CD55: variants seen among roughly 807,000 people sequenced by gnomAD.
The protein encoded by CD55 is complement decay-accelerating factor.
In CD55, 41 loss-of-function variants were observed where a neutral mutation model predicts 45.8. The ratio of observed to expected loss-of-function variants is 0.90; its 90% CI spans 0.70 to 1.16. The LOEUF (loss-of-function observed/expected upper bound fraction) is 1.16. Among genes scored for constraint, CD55 ranks in the 50% most tolerant of loss-of-function variants. The probability of loss-of-function intolerance (pLI) is 0.00; values close to 1 mark genes in which losing one functional copy is unlikely to be tolerated. For missense variants in CD55, 416 were observed against 469.8 expected, an observed-to-expected ratio of 0.89 and a Z score of 1.06; for synonymous variants, 181 against 181.1, an observed-to-expected ratio of 1.00 and a Z score of 0.01.
rs1387527581 is a variant in CD55, at chr1:207,360,809, G to T, written c.*1199G>T. 1 of 152,090 alleles carries T rather than the reference G, an allele frequency of 6.6e-6. No homozygotes were observed. Among genetic ancestry groups the T allele is most frequent in the East Asian group, 1.9e-4 (1 of 5,202 alleles). The allele number at this position is 152,090 out of a possible 1,614,324, so 9.4% of individuals were successfully genotyped here. A position where few individuals can be genotyped will look rare whatever the true frequency, so the allele number is the denominator to read the frequency against. On this transcript the variant is annotated 3_prime_UTR_variant, in exon 10 of 10. Coordinates refer to ENST00000367064, the MANE Select transcript of CD55 (RefSeq NM_000574.5). ...TAGACTAGACTAAGATGTACTAGTT[G>T]TATAGAATATAACTAGATTTATTAT...
Position 207,359,689 on chromosome 1 carries a change from A to AAAAT in CD55, c.*84_*87dup, listed in dbSNP as rs1211308379. On this transcript the variant is annotated 3_prime_UTR_variant, in exon 10 of 10. Transcript: ENST00000367064. Reference sequence around the variant, plus strand: ...TCTTAGACTTATCTGCATATTGGATAAAATAAATGCAATTGTGCTCTTCAT... The same window carrying AAAAT: ...TCTTAGACTTATCTGCATATTGGATAAAATAAATAAATGCAATTGTGCTCTTCAT... 1 of 1,505,828 alleles carries AAAAT rather than the reference A, an allele frequency of 6.6e-7. No individual in the cohort carries two copies. The highest frequency in any genetic ancestry group is 1.4e-5 in the African/African-American group (1 of 69,006). 93.3% of individuals were successfully genotyped at this position (1,505,828 alleles called of 1,614,324 possible).
At chr1:207,353,052 T>TTTG (rs1655935566) in intron 9 of CD55, among the ~76,000 whole-genome samples, 1 of 140,866 alleles carries the variant, frequency 7.1e-6, no homozygotes, top group Non-Finnish European at 1.6e-5. Context: ...TTTTTTTTTT[T>TTTG]TTTTTTTTTT....
chr1:207,347,239 A>G (rs1002646231), intron 9 of CD55: 2 of 452,982 alleles, frequency 4.4e-6, no homozygotes, highest in Non-Finnish European at 8.9e-6. Flanking sequence ...GCATTCATGG[A>G]TACCAAAGGG....
At chr1:207,328,768 G>A (rs1654801908) in intron 5 of CD55, among the ~76,000 whole-genome samples, 1 of 152,112 alleles carries the variant, frequency 6.6e-6, no homozygotes, top group Non-Finnish European at 1.5e-5. Context: ...TCCTCAATCT[G>A]TTTTTCAAAC....
At position 207,324,696 on chromosome 1, in the gene CD55, A is replaced by G. The variant is rs763394114; in HGVS notation, c.424A>G (p.Lys142Glu). 6.2e-7 allele frequency: 1 copy of G among 1,613,708 alleles called. No individual in the cohort carries two copies. The highest frequency in any genetic ancestry group is 1.1e-5 in the South Asian group (1 of 90,952). ...GYRREPSLSP[K>E]LTCLQNLKWS... The stretch of plus-strand genomic sequence containing the variant: ...CAGAAGAGAACCTTCTCTATCACCA[A>G]AACTAACTTGCCTTCAGAATTTAAA... The change falls in exon 3 of 10, where the codon AAA becomes GAA. Residue 142 changes from lysine to glutamate, a missense_variant. Physicochemically the swap from Lys to Glu is moderately conservative, Grantham distance 56. Around this residue, in one of 3 missense-constraint regions of CD55, gnomAD observed 111 missense variants for 163.4 expected, o/e 0.68. Coordinates refer to ENST00000367064, the MANE Select transcript of CD55 (RefSeq NM_000574.5).
chr1:207,341,440 G>A (rs1316532270), intron 9 of CD55, among the ~76,000 whole-genome samples: 2 of 151,944 alleles, frequency 1.3e-5, no homozygotes, highest in Non-Finnish European at 2.9e-5. Flanking sequence ...TTTGATTTTT[G>A]TACATGGTGA....
intron 8 of CD55, among the ~76,000 whole-genome samples, chr1:207,338,947 C>T (rs577323531): frequency 2.8e-4 from 42 of 152,100 alleles, no homozygotes; most frequent in African/African-American, 1.0e-3. Context: ...ATGCCCCATC[C>T]GTAGTCATTG....
intron 9 of CD55, among the ~76,000 whole-genome samples, chr1:207,346,380 C>T (rs1187760956): frequency 1.3e-5 from 2 of 152,150 alleles, no homozygotes; most frequent in Non-Finnish European, 1.5e-5. Context: ...GCCAGATGGA[C>T]TTGTCCTCAG....
At chr1:207,349,575 T>A (rs146998906) in intron 9 of CD55, among the ~76,000 whole-genome samples, 342 of 152,348 alleles carry the variant, frequency 2.2e-3, no homozygotes, top group African/African-American at 7.6e-3. Flanking sequence ...TTGTTTTGTA[T>A]TTCTCTATAG....
chr1:207,340,488 C>T (rs1263692826), intron 9 of CD55: 2 of 683,634 alleles, frequency 2.9e-6, no homozygotes, highest in Admixed American at 4.2e-5. Context: ...ACTTCAGCCT[C>T]CCAAGTAGCT....
At chr1:207,337,993 T>G (rs751850165) in intron 8 of CD55, among the ~76,000 whole-genome samples, 1 of 152,216 alleles carries the variant, frequency 6.6e-6, no homozygotes, top group Non-Finnish European at 1.5e-5. Context: ...ATGACCGTAT[T>G]TTCAAAATGA....
At chr1:207,353,585 A>G (rs1209724086) in intron 9 of CD55, among the ~76,000 whole-genome samples, 1 of 152,186 alleles carries the variant, frequency 6.6e-6, no homozygotes, top group African/African-American at 2.4e-5. Context: ...GACAAACTTA[A>G]GTCCCATTAT....
At chr1:207,358,151 T>C (rs1656149398) in intron 9 of CD55, among the ~76,000 whole-genome samples, 1 of 152,206 alleles carries the variant, frequency 6.6e-6, no homozygotes, top group African/African-American at 2.4e-5. Flanking sequence ...TAAGAAAGAA[T>C]TTGTCTTTTT....
At chr1:207,330,078 C>A (rs552839820) in intron 5 of CD55, among the ~76,000 whole-genome samples, 20 of 152,136 alleles carry the variant, frequency 1.3e-4, no homozygotes, top group Non-Finnish European at 2.5e-4. Context: ...ATATCTTGTT[C>A]AGCTTTGCGC....
intron 9 of CD55, among the ~76,000 whole-genome samples, chr1:207,356,598 G>C (rs931132969): frequency 6.6e-6 from 1 of 152,000 alleles, no homozygotes; most frequent in Non-Finnish European, 1.5e-5. Context: ...TGCCAGTCCA[G>C]CTCAAAACAG....
intron 9 of CD55, among the ~76,000 whole-genome samples, chr1:207,342,729 G>A (rs1439033528): frequency 6.6e-6 from 1 of 152,054 alleles, no homozygotes; most frequent in Admixed American, 6.5e-5. Flanking sequence ...GTTAGGGAAA[G>A]TTTCCTCCTC....
At position 207,322,694 on chromosome 1, in the gene CD55, T is replaced by C. The variant is rs527859888; in HGVS notation, c.286+127T>C. The stretch of plus-strand genomic sequence containing the variant: ...TTACTAAACCCCAGGGTATACCCTG[T>C]TGGCACGTCACACTCCAGCTAATTG... On this transcript the variant is annotated intron_variant, in intron 2 of 9. Transcript: ENST00000367064. The C allele has an allele frequency of 2.0e-5, 15 of 747,364 alleles. No individual in the cohort carries two copies. The African/African-American group carries it at 2.5e-4, about 12-fold the overall frequency. The allele number at this position is 747,364 out of a possible 1,614,324, so 46.3% of individuals were successfully genotyped here.
chr1:207,331,515 A>G (rs1318496190), intron 6 of CD55, among the ~76,000 whole-genome samples: 2 of 152,196 alleles, frequency 1.3e-5, no homozygotes, highest in African/African-American at 4.8e-5. Flanking sequence ...TATGATGTGT[A>G]TATATAAAAT....
At chr1:207,327,437 T>A (rs1239112951) in intron 5 of CD55, among the ~76,000 whole-genome samples, 2 of 152,224 alleles carry the variant, frequency 1.3e-5, no homozygotes, top group Non-Finnish European at 2.9e-5. Context: ...TATTTGAGAA[T>A]CTTCTCAAAG....
Sources: gnomAD v4.1 joint callset for allele counts (sites outside exome capture counted in the v4.1 genomes callset) on GRCh38, gnomAD v4.1.1 for gene constraint, gnomAD v4.1.1 regional missense constraint, MANE v1.5 for transcripts, NCBI Gene and HGNC (gene_info 2026-07-23, HGNC 2026-07-21) for gene names.